The following PDE1C variants were observed in gnomAD, a reference collection of about 807,000 sequenced individuals.
PDE1C encodes phosphodiesterase 1C.
In PDE1C, 62 loss-of-function variants were observed where a neutral mutation model predicts 93.1. The observed-to-expected ratio is 0.67, with a 90% CI of 0.54 to 0.82. The LOEUF (loss-of-function observed/expected upper bound fraction) is 0.82. Ranked by LOEUF, PDE1C falls within the 40% of genes least tolerant of loss-of-function variation. The probability of loss-of-function intolerance (pLI) is 0.00; values close to 1 mark genes in which losing one functional copy is unlikely to be tolerated. For missense variants in PDE1C, 742 were observed against 884.6 expected (o/e 0.84, Z 2.04); for synonymous variants, 325 against 310.1 (o/e 1.05, Z -0.50).
intron 1 of PDE1C, among the ~76,000 whole-genome samples, chr7:32,263,724 A>T (rs564142002): frequency 6.6e-6 from 1 of 152,186 alleles, no homozygotes; most frequent in South Asian, 2.1e-4. Flanking sequence ...GTCTTTTATG[A>T]CATTGAGATT....
chr7:32,064,893 T>C (rs1287247154), intron 1 of PDE1C, among the ~76,000 whole-genome samples: 1 of 152,128 alleles, frequency 6.6e-6, no homozygotes, highest in Non-Finnish European at 1.5e-5. Flanking sequence ...ATGACTACAC[T>C]TCTATCTGTC....
At chr7:32,233,351 A>C (rs1199031029) in intron 1 of PDE1C, among the ~76,000 whole-genome samples, 1 of 152,214 alleles carries the variant, frequency 6.6e-6, no homozygotes, top group Non-Finnish European at 1.5e-5. Flanking sequence ...ATAACATGCT[A>C]AATGTAAGTG....
intron 1 of PDE1C, among the ~76,000 whole-genome samples, chr7:32,328,443 C>T (rs1367369218): frequency 6.6e-6 from 1 of 152,212 alleles, no homozygotes; most frequent in Non-Finnish European, 1.5e-5. Context: ...CTCAGAAGCA[C>T]AGCCTCCAAG....
upstream of PDE1C, among the ~76,000 whole-genome samples, chr7:32,301,582 G>A (rs903982820): frequency 2.0e-5 from 3 of 152,112 alleles, no homozygotes; most frequent in Non-Finnish European, 2.9e-5. Context: ...CTACTAAAAC[G>A]CACTGCTTCA....
At chr7:32,244,895 G>A (rs1808811332) in intron 1 of PDE1C, among the ~76,000 whole-genome samples, 1 of 152,218 alleles carries the variant, frequency 6.6e-6, no homozygotes, top group African/African-American at 2.4e-5. Context: ...TAAACAGTTG[G>A]TGAGCACACT....
chr7:32,164,533 T>TCCAG (rs1357596213), intron 3 of PDE1C, among the ~76,000 whole-genome samples: 1 of 152,202 alleles, frequency 6.6e-6, no homozygotes, highest in Non-Finnish European at 1.5e-5. Flanking sequence ...GGTTGAAATC[T>TCCAG]CCAGCTCTGC....
chr7:32,341,289 C>T (rs922964709), intron 1 of PDE1C, among the ~76,000 whole-genome samples: 4 of 141,502 alleles, frequency 2.8e-5, no homozygotes, highest in Admixed American at 7.7e-5. Flanking sequence ...CATTCTCCTG[C>T]CTCAGCCTCC....
intron 2 of PDE1C, among the ~76,000 whole-genome samples, chr7:31,986,143 G>T (rs181831081): frequency 2.7e-4 from 41 of 151,758 alleles, no homozygotes; most frequent in Middle Eastern, 3.4e-3. Context: ...GGAACTAGAC[G>T]TCCAAAATCA....
rs78220892 is a variant in PDE1C at position 31,778,273 on chromosome 7, C to G, written c.1892-2541G>C. On this transcript the variant is annotated intron_variant, in intron 16 of 17. Transcript: ENST00000396191. The stretch of plus-strand genomic sequence containing the variant: ...ACCCTGGGTGTGCAACAAATAGGCC[C>G]CATTAGGAGGCACTACCAGAGGGCA... Among the ~76,000 whole-genome samples, 506 of 152,242 alleles carry G rather than the reference C, an allele frequency of 3.3e-3. 5 individuals carry two copies. The highest frequency in any genetic ancestry group is 0.012 in the African/African-American group (492 of 41,530).
At chr7:31,728,392 T>A in the PDE1C span, among the ~76,000 whole-genome samples, 2 of 152,212 alleles carry the variant, frequency 1.3e-5, no homozygotes, top group Non-Finnish European at 2.9e-5. Flanking sequence ...GACATGAACC[T>A]GTTTCTTCCA....
chr7:32,137,082 A>C (rs1003560068), intron 3 of PDE1C, among the ~76,000 whole-genome samples: 4 of 152,192 alleles, frequency 2.6e-5, no homozygotes, highest in African/African-American at 9.7e-5. Flanking sequence ...CCCTGTATGT[A>C]GTTATCCAGA....
chr7:32,135,998 C>T (rs1463698182), intron 3 of PDE1C, among the ~76,000 whole-genome samples: 1 of 152,134 alleles, frequency 6.6e-6, no homozygotes, highest in Non-Finnish European at 1.5e-5. Flanking sequence ...GAAGACTATG[C>T]TAAGTGAAAT....
intron 3 of PDE1C, among the ~76,000 whole-genome samples, chr7:32,122,028 T>C (rs1231412584): frequency 2.0e-5 from 3 of 152,024 alleles, no homozygotes; most frequent in African/African-American, 7.2e-5. Context: ...GGAGGAAAAT[T>C]TACCAAGCAA....
At chr7:32,184,557 C>A (rs546199270) in intron 2 of PDE1C, among the ~76,000 whole-genome samples, 11 of 152,184 alleles carry the variant, frequency 7.2e-5, no homozygotes, top group Admixed American at 2.0e-4. Flanking sequence ...GGACAAAAAA[C>A]CAAATACTGC....
chr7:31,947,606 A>T (rs1806795368), intron 2 of PDE1C, among the ~76,000 whole-genome samples: 1 of 152,174 alleles, frequency 6.6e-6, no homozygotes, highest in African/African-American at 2.4e-5. Flanking sequence ...AAAGAACCCC[A>T]AGTATTATTT....
chr7:31,672,712 C>A, the PDE1C span, among the ~76,000 whole-genome samples: 1 of 152,184 alleles, frequency 6.6e-6, no homozygotes, highest in Non-Finnish European at 1.5e-5. Flanking sequence ...GCAAGTCCAT[C>A]AGCCATCATC....
chr7:32,066,700 T>G (rs555598809), intron 1 of PDE1C, among the ~76,000 whole-genome samples: 284 of 152,262 alleles, frequency 1.9e-3, no homozygotes, highest in Non-Finnish European at 1.9e-3. Flanking sequence ...CCCACAGCCC[T>G]GTTTCCCTGA....
intron 2 of PDE1C, among the ~76,000 whole-genome samples, chr7:31,943,967 C>T (rs1033300000): frequency 2.6e-5 from 4 of 152,138 alleles, no homozygotes; most frequent in Non-Finnish European, 4.4e-5. Context: ...GTTGACGCCC[C>T]TAGTCTTCAC....
At chr7:31,981,920 A>G (rs938354289) in intron 2 of PDE1C, among the ~76,000 whole-genome samples, 1 of 152,230 alleles carries the variant, frequency 6.6e-6, no homozygotes, top group Non-Finnish European at 1.5e-5. Flanking sequence ...CATGGTTTAC[A>G]TGTGAGACTT....
Sources: gnomAD v4.1 joint callset for allele counts (sites outside exome capture counted in the v4.1 genomes callset) on GRCh38, gnomAD v4.1.1 for gene constraint, MANE v1.5 for transcripts, NCBI Gene and HGNC (gene_info 2026-07-23, HGNC 2026-07-21) for gene names.